The following TSPAN19 variants were observed in gnomAD, a reference collection of about 807,000 sequenced individuals.
The protein encoded by TSPAN19 is tetraspanin 19.
A neutral mutation model predicts 35.1 loss-of-function variants in TSPAN19; 44 were observed. That is an observed-to-expected ratio of 1.25 (90% CI 0.98 to 1.61). The LOEUF (loss-of-function observed/expected upper bound fraction) is 1.61, where lower values mean the gene tolerates loss of function less well. Among genes scored for constraint, TSPAN19 ranks in the 40% most tolerant of loss-of-function variants. TSPAN19 has a pLI of 0.00. For synonymous variants in TSPAN19, 79 were observed against 92.0 expected (o/e 0.86, Z 0.81); for missense variants, 290 against 280.0 (o/e 1.04, Z -0.26).
At chr12:85,031,366 T>C (rs1447740036) in intron 1 of TSPAN19, among the ~76,000 whole-genome samples, 1 of 152,154 alleles carries the variant, frequency 6.6e-6, no homozygotes, top group Non-Finnish European at 1.5e-5. Context: ...TTCTATTTAC[T>C]ACCACATGTG....
At chr12:85,021,380 A>G (rs1157352399) in intron 5 of TSPAN19, among the ~76,000 whole-genome samples, 4 of 152,038 alleles carry the variant, frequency 2.6e-5, no homozygotes, top group Non-Finnish European at 5.9e-5. Flanking sequence ...TCTGTATTTT[A>G]ATACATTTAA....
intron 6 of TSPAN19, among the ~76,000 whole-genome samples, chr12:85,019,263 C>T (rs974974779): frequency 1.3e-5 from 2 of 151,876 alleles, no homozygotes; most frequent in Non-Finnish European, 2.9e-5. Flanking sequence ...TATTGCACAG[C>T]AATCCTGGTA....
chr12:85,017,210 A>G (rs1876860460), intron 7 of TSPAN19: 1 of 381,044 alleles, frequency 2.6e-6, no homozygotes, highest in Non-Finnish European at 4.6e-6. Context: ...GACTGATGAT[A>G]TCCCAAGTTC....
At chr12:85,024,593 C>T (rs1032173363) in intron 4 of TSPAN19, 1 of 152,298 alleles carries the variant, frequency 6.6e-6, no homozygotes, top group African/African-American at 2.4e-5. Flanking sequence ...GCCTGGCCCA[C>T]ATGGTGAAAT....
chr12:85,023,191 T>C lies in TSPAN19; in HGVS notation c.339+135A>G. ...CCCTTCCTATACTCTAGTACTTTTG[T>C]TAAATATTATTTTCCCCTAAAGAAA... is the stretch of plus-strand genomic sequence containing the variant. On this transcript the variant is annotated intron_variant, in intron 5 of 8. Transcript: ENST00000532498. 5.4e-6 allele frequency: 4 copies of C among 737,120 alleles called. No individual in the cohort carries two copies. The South Asian group carries it at 5.9e-5, about 11-fold the overall frequency. 45.7% of individuals were successfully genotyped at this position (737,120 alleles called of 1,614,324 possible).
chr12:85,029,207 T>A (rs935981983), intron 3 of TSPAN19, among the ~76,000 whole-genome samples: 2 of 152,182 alleles, frequency 1.3e-5, no homozygotes, highest in East Asian at 3.9e-4. Context: ...ACAGAGAAGA[T>A]GCTTAGTAAT....
At chr12:85,030,987 C>A (rs1052004286) in intron 1 of TSPAN19, among the ~76,000 whole-genome samples, 5 of 152,030 alleles carry the variant, frequency 3.3e-5, no homozygotes, top group African/African-American at 4.8e-5. Flanking sequence ...TATTTTAAAG[C>A]TATTTGTCTG....
intron 4 of TSPAN19, among the ~76,000 whole-genome samples, chr12:85,026,242 A>G (rs1056022905): frequency 6.6e-6 from 1 of 152,122 alleles, no homozygotes; most frequent in Non-Finnish European, 1.5e-5. Flanking sequence ...ATTTGTGACA[A>G]GAAGAAAAAA....
chr12:85,015,951 A>C lies in TSPAN19; in HGVS notation c.615T>G (p.Ser205Arg). The C allele has an allele frequency of 6.5e-7, 1 of 1,545,606 alleles. No homozygotes were observed. The highest frequency in any genetic ancestry group is 8.7e-7 in the Non-Finnish European group (1 of 1,144,328). The change falls in exon 8 of 9, where the codon AGT becomes AGG. Residue 205 changes from serine (S) to arginine (R), a missense_variant. Physicochemically the swap from Ser to Arg is moderately radical, Grantham distance 110. Transcript: ENST00000532498. ...TYLEGCENKI[S>R]AWYNVNVLTL... ...TTAACACATTAACATTATACCATGC[A>C]CTGATTTTATTTTCACAACCCTAAG...
chr12:85,025,529 T>TG (rs1054454788), intron 4 of TSPAN19, among the ~76,000 whole-genome samples: 2 of 150,600 alleles, frequency 1.3e-5, no homozygotes, highest in African/African-American at 4.9e-5. Context: ...CTTTTTTTGT[T>TG]GGGGGGGAGG....
Position 85,017,606 on chromosome 12 carries a change from A to G in TSPAN19, c.451-7T>C, listed in dbSNP as rs753771558. 3.8e-5 allele frequency: 59 copies of G among 1,541,434 alleles called. No individual in the cohort carries two copies. In the Admixed American group the frequency reaches 1.2e-3, roughly 32 times the overall value. ...GTTGGCCACAACACTGTAACTAGGAAAAAGCTTATATGAATTTTACCATAA... is the reference window on the plus strand; with the variant it reads ...GTTGGCCACAACACTGTAACTAGGAGAAAGCTTATATGAATTTTACCATAA... On this transcript the variant is annotated splice_region_variant and splice_polypyrimidine_tract_variant and intron_variant, in intron 6 of 8. Coordinates refer to ENST00000532498, the MANE Select transcript of TSPAN19 (RefSeq NM_001100917.2).
At chr12:85,020,001 A>C (rs1228090548) in intron 5 of TSPAN19, among the ~76,000 whole-genome samples, 1 of 151,950 alleles carries the variant, frequency 6.6e-6, no homozygotes, top group East Asian at 1.9e-4. Flanking sequence ...TCTCATGCAT[A>C]TCTAAGGGAG....
At chr12:85,025,620 G>A (rs1034714770) in intron 4 of TSPAN19, among the ~76,000 whole-genome samples, 24 of 152,162 alleles carry the variant, frequency 1.6e-4, no homozygotes, top group African/African-American at 5.8e-4. Context: ...CCGCCTCCCA[G>A]GTTCAAGCGA....
chr12:85,029,957 C>G lies in TSPAN19; in HGVS notation c.-11G>C. 3 of 1,435,786 alleles carry G rather than the reference C, an allele frequency of 2.1e-6. No individual in the cohort carries two copies. Among genetic ancestry groups the G allele is most frequent in the Non-Finnish European group, 2.8e-6 (3 of 1,066,922 alleles). 88.9% of individuals were successfully genotyped at this position (1,435,786 alleles called of 1,614,324 possible). A position where few individuals can be genotyped will look rare whatever the true frequency, so the allele number is the denominator to read the frequency against. On this transcript the variant is annotated 5_prime_UTR_variant, in exon 2 of 9. Transcript: ENST00000532498. ...GTTATTTCTTAACATTCTTTTTCTTCCAAGATATTGATGATTCTGAAAAGA... is the reference window on the plus strand; with the variant it reads ...GTTATTTCTTAACATTCTTTTTCTTGCAAGATATTGATGATTCTGAAAAGA...
rs539468278 is a variant in TSPAN19 at position 85,023,259 on chromosome 12, C to G, written c.339+67G>C. The stretch of plus-strand genomic sequence containing the variant: ...ATATAGGATCAATGGTCTCAATACT[C>G]TAAGGTATCCAATTTCCTTTAAACT... On this transcript the variant is annotated intron_variant, in intron 5 of 8. Transcript: ENST00000532498. 17 of 1,335,968 alleles carry G rather than the reference C, an allele frequency of 1.3e-5. No individual in the cohort carries two copies. The Admixed American group carries it at 1.4e-4, about 11-fold the overall frequency. The allele number at this position is 1,335,968 out of a possible 1,614,324, so 82.8% of individuals were successfully genotyped here.
At chr12:85,025,805 G>C (rs912641686) in intron 4 of TSPAN19, among the ~76,000 whole-genome samples, 1 of 172 alleles carries the variant, frequency 5.8e-3, no homozygotes, top group Non-Finnish European at 0.019. Flanking sequence ...GATTACAGGC[G>C]TGAGCACCGC....
chr12:85,019,204 A>C (rs1408649818), intron 6 of TSPAN19, among the ~76,000 whole-genome samples: 1 of 151,874 alleles, frequency 6.6e-6, no homozygotes, highest in Non-Finnish European at 1.5e-5. Context: ...CCACTTTACG[A>C]ATGTGGAACT....
chr12:85,020,390 T>C (rs1565765699), intron 5 of TSPAN19, among the ~76,000 whole-genome samples: 1 of 152,026 alleles, frequency 6.6e-6, no homozygotes, highest in Non-Finnish European at 1.5e-5. Flanking sequence ...AGATGTTAAA[T>C]AAAATAATTG....
At chr12:85,032,289 T>C (rs1877723019) in intron 1 of TSPAN19, among the ~76,000 whole-genome samples, 1 of 152,008 alleles carries the variant, frequency 6.6e-6, no homozygotes, top group African/African-American at 2.4e-5. Flanking sequence ...GGACTGTCTA[T>C]AGATGGAAAT....
Sources: allele counts gnomAD v4.1 joint callset (sites outside exome capture counted in the v4.1 genomes callset), GRCh38; gene constraint gnomAD v4.1.1; transcripts MANE v1.5; gene names NCBI Gene and HGNC (gene_info 2026-07-23, HGNC 2026-07-21).